PALB2: variants seen among roughly 807,000 people sequenced by gnomAD.
PALB2 encodes the protein partner and localizer of BRCA2.
Under a neutral mutation model 107.4 loss-of-function variants are expected in PALB2, and 82 were observed. That is an observed-to-expected ratio of 0.76 (90% CI 0.64 to 0.92). PALB2 has a LOEUF of 0.92. Among genes scored for constraint, PALB2 ranks in the 40% least tolerant of loss-of-function variants. The pLI is 0.00. For missense variants in PALB2, 1,374 were observed against 1,379.9 expected (o/e 1.00, Z 0.07); for synonymous variants, 489 against 496.8 (o/e 0.98, Z 0.21).
Position 23,641,094 on chromosome 16 carries a change from C to A in PALB2, c.48+16G>T. On this transcript the variant is annotated intron_variant, in intron 1 of 12. Coordinates refer to ENST00000261584, the MANE Select transcript of PALB2 (RefSeq NM_024675.4). The stretch of plus-strand genomic sequence containing the variant: ...GGGTCAGAGTCCTGCGTCCGCCCTT[C>A]CCGCACCCCCGGCACCTTTTCCTTC... 6.2e-7 allele frequency: 1 copy of A among 1,612,742 alleles called. No individual in the cohort carries two copies.
intron 7 of PALB2, 77 bp from the exon 8 acceptor site, chr16:23,624,171 A>G: frequency 1.0e-6 from 1 of 978,894 alleles, no homozygotes; most frequent in Non-Finnish European, 1.6e-6. Context: ...AAAATTTATC[A>G]CATTCTTTTG....
intron 11 of PALB2, among the ~76,000 whole-genome samples, chr16:23,612,273 A>G (rs1039242342): frequency 4.8e-4 from 73 of 152,234 alleles, no homozygotes; most frequent in Non-Finnish European, 1.3e-4. Context: ...CCCAGGGTGC[A>G]GTGGCACGAT....
rs1213280805 is a variant in PALB2, at chr16:23,635,487, T to C, written c.1059A>G (p.Lys353=). The C allele has an allele frequency of 6.2e-7, 1 of 1,614,110 alleles. No individual in the cohort carries two copies. The highest frequency in any genetic ancestry group is 8.5e-7 in the Non-Finnish European group (1 of 1,179,984). Residue 353 remains lysine, a synonymous_variant, in exon 4 of 13, where the codon AAA becomes AAG. Coordinates refer to ENST00000261584, the MANE Select transcript of PALB2 (RefSeq NM_024675.4). ...GAGTGTCACTGGGAGATTTTAAAGATTTCTCTGTTTGATTTTGTTCTTTTA... is the reference window on the plus strand; with the variant it reads ...GAGTGTCACTGGGAGATTTTAAAGACTTCTCTGTTTGATTTTGTTCTTTTA... ...QNLKEQNQTE[K]SLKSPSDTLD...
intron 12 of PALB2, chr16:23,607,413 C>T (rs763202463): frequency 8.2e-5 from 17 of 206,736 alleles, no homozygotes; most frequent in Non-Finnish European, 1.5e-4. Context: ...CTCAGCCTCC[C>T]GAGTAGCTGG....
chr16:23,612,523 C>CT (rs900478700), intron 11 of PALB2, among the ~76,000 whole-genome samples: 1,800 of 119,446 alleles, frequency 0.015, 51 homozygotes, highest in African/African-American at 0.043. Flanking sequence ...CAGGCCAAGA[C>CT]TTTTTTTTTT....
intron 10 of PALB2, chr16:23,617,535 CATGGGA>C (rs1387781418): frequency 6.7e-6 from 1 of 149,034 alleles, no homozygotes; most frequent in Non-Finnish European, 1.5e-5. Context: ...GTCTAGGCAA[CATGGGA>C]AGACCCTGTC....
In PALB2 at chr16:23,623,202, T is replaced by C. The variant is rs2142338925; in HGVS notation, c.2835-72A>G. The C allele has an allele frequency of 6.3e-5, 22 of 348,236 alleles. No homozygotes were observed. In the South Asian group the frequency reaches 9.6e-4, roughly 15 times the overall value. 21.6% of individuals were successfully genotyped at this position (348,236 alleles called of 1,614,324 possible). ...TTAATATTAAAGGACTAGGTTCACT[T>C]TTTTTTTTTTTTTTTTTTTGAGACA... On this transcript the variant is annotated intron_variant, in intron 8 of 12. Transcript: ENST00000261584.
intron 11 of PALB2, among the ~76,000 whole-genome samples, chr16:23,610,056 A>T (rs942751057): frequency 2.6e-5 from 4 of 152,236 alleles, no homozygotes; most frequent in African/African-American, 4.8e-5. Flanking sequence ...TCAGAAAAAT[A>T]ACATTTTGTG....
At position 23,606,774 on chromosome 16, in the gene PALB2, C is replaced by T. The variant is rs936168822; in HGVS notation, c.3350+1090G>A. On this transcript the variant is annotated intron_variant, in intron 12 of 12. Transcript: ENST00000261584. ...TCCTGACCTCATGATCCGCCTGCCT[C>T]GGCCTCCCAAAGTGCTGGGATTACA... is the stretch of plus-strand genomic sequence containing the variant. Among the ~76,000 whole-genome samples, 5 of 151,028 alleles carry T rather than the reference C, an allele frequency of 3.3e-5. No individual in the cohort carries two copies. The East Asian group carries it at 5.9e-4, about 18-fold the overall frequency.
At position 23,624,095 on chromosome 16, in the gene PALB2, C is replaced by G. The variant is rs1060502804; in HGVS notation, c.2749-1G>C. On this transcript the variant is annotated splice_acceptor_variant, in intron 7 of 12. Coordinates refer to ENST00000261584, the MANE Select transcript of PALB2 (RefSeq NM_024675.4). LOFTEE classifies it high-confidence loss of function. ...CTGGAACTATCTGTAATACTGGAACCTAAATAAAACAAAGCAGCCAAAAAT... is the reference window on the plus strand; with the variant it reads ...CTGGAACTATCTGTAATACTGGAACGTAAATAAAACAAAGCAGCCAAAAAT... The G allele has an allele frequency of 6.3e-7, 1 of 1,599,988 alleles. No individual in the cohort carries two copies. Among genetic ancestry groups the G allele is most frequent in the East Asian group, 2.2e-5 (1 of 44,778 alleles).
chr16:23,611,077 A>AGTCTGTCT (rs200966935), intron 11 of PALB2, among the ~76,000 whole-genome samples: 12 of 135,106 alleles, frequency 8.9e-5, no homozygotes, highest in Non-Finnish European at 1.8e-4. Flanking sequence ...TTCAACTGTC[A>AGTCTGTCT]GTCTATCTAT....
intron 10 of PALB2, among the ~76,000 whole-genome samples, chr16:23,617,058 G>A (rs1966696894): frequency 6.6e-6 from 1 of 151,954 alleles, no homozygotes; most frequent in Non-Finnish European, 1.5e-5. Flanking sequence ...ATCGTGATCT[G>A]CCCACCTCGG....
At chr16:23,611,290 C>T (rs1966582754) in intron 11 of PALB2, among the ~76,000 whole-genome samples, 1 of 151,928 alleles carries the variant, frequency 6.6e-6, no homozygotes, top group Admixed American at 6.6e-5. Context: ...ATTATAAGCA[C>T]CTGCCACCAT....
intron 7 of PALB2, 140 bp downstream of exon 7, chr16:23,626,096 T>C: frequency 1.0e-6 from 1 of 995,220 alleles, no homozygotes; most frequent in Non-Finnish European, 1.5e-6. Context: ...TTTGAAACTT[T>C]TCATAATAAA....
rs1567217984 is a variant in PALB2 at position 23,630,010 on chromosome 16, T to C, written c.2144A>G (p.Asp715Gly). Reference sequence around the variant, plus strand: ...CATGTCTGTGGTAGGCCTGTCATTATCATCAGGCGCAACCGTATTTAAAGG... The same window carrying C: ...CATGTCTGTGGTAGGCCTGTCATTACCATCAGGCGCAACCGTATTTAAAGG... The part of the protein sequence containing the change: ...YTPLNTVAPD[D>G]NDRPTTDMCS... The change falls in exon 5 of 13, where the codon GAT becomes GGT. Residue 715 changes from aspartate to glycine, a missense_variant. Asp to Gly is a moderately conservative substitution (Grantham distance 94, BLOSUM62 -1). Coordinates refer to ENST00000261584, the MANE Select transcript of PALB2 (RefSeq NM_024675.4). 6.2e-7 allele frequency: 1 copy of C among 1,613,984 alleles called. No individual in the cohort carries two copies. Among genetic ancestry groups the C allele is most frequent in the Non-Finnish European group, 8.5e-7 (1 of 1,179,998 alleles).
At position 23,635,340 on chromosome 16, in the gene PALB2, A is replaced by G. The variant is rs1163836809; in HGVS notation, c.1206T>C (p.Leu402=). The change falls in exon 4 of 13, where the codon CTT becomes CTC. Residue 402 remains leucine (L), a synonymous_variant. Coordinates refer to ENST00000261584, the MANE Select transcript of PALB2 (RefSeq NM_024675.4). ...TAACATAATATTCTGCAGGAAACAGAAGGCCTTCAGGCACTGTGCAAGAAT... is the reference window on the plus strand; with the variant it reads ...TAACATAATATTCTGCAGGAAACAGGAGGCCTTCAGGCACTGTGCAAGAAT... The part of the protein sequence containing the change: ...EKHSCTVPEG[L]LFPAEYYVRT... The G allele has an allele frequency of 6.2e-7, 1 of 1,614,038 alleles. No individual in the cohort carries two copies. The highest frequency in any genetic ancestry group is 8.5e-7 in the Non-Finnish European group (1 of 1,180,038).
intron 1 of PALB2, chr16:23,638,717 G>A (rs1358808856): frequency 5.7e-6 from 2 of 350,158 alleles, no homozygotes; most frequent in East Asian, 1.6e-4. Context: ...ATTTTACAAG[G>A]TAAAAAAATA....
chr16:23,635,242 A>G lies in PALB2; in HGVS notation c.1304T>C (p.Val435Ala), dbSNP rs2142419868. The stretch of plus-strand genomic sequence containing the variant: ...TTTATTTTTAAACCCTTTTTTCTTG[A>G]CATCCAAATGACTCTGAATGACAGC... ...VEAVIQSHLD[V>A]KKKGFKNKNK... Residue 435 changes from valine to alanine, a missense_variant, in exon 4 of 13, where the codon GTC becomes GCC. Coordinates refer to ENST00000261584, the MANE Select transcript of PALB2 (RefSeq NM_024675.4). 6.2e-7 allele frequency: 1 copy of G among 1,614,040 alleles called. No individual in the cohort carries two copies. The highest frequency in any genetic ancestry group is 8.5e-7 in the Non-Finnish European group (1 of 1,180,004).
chr16:23,628,071 A>G (rs1170566684), intron 6 of PALB2, among the ~76,000 whole-genome samples: 1 of 152,162 alleles, frequency 6.6e-6, no homozygotes, highest in Non-Finnish European at 1.5e-5. Context: ...TAAAAATACA[A>G]AAATTAGCAA....
Sources: gnomAD v4.1 joint callset for allele counts (sites outside exome capture counted in the v4.1 genomes callset) on GRCh38, gnomAD v4.1.1 for gene constraint, MANE v1.5 for transcripts, NCBI Gene and HGNC (gene_info 2026-07-23, HGNC 2026-07-21) for gene names.